JAM2: variants seen among roughly 807,000 people sequenced by gnomAD.
JAM2 encodes the protein junctional adhesion molecule B.
Under a neutral mutation model 42.0 loss-of-function variants are expected in JAM2, and 17 were observed. The observed-to-expected ratio is 0.40, with a 90% CI of 0.28 to 0.61. The LOEUF (loss-of-function observed/expected upper bound fraction) is 0.61, where lower values mean the gene tolerates loss of function less well. Ranked by LOEUF, JAM2 falls within the 20% of genes least tolerant of loss-of-function variation. The pLI, the probability that JAM2 is intolerant of heterozygous loss-of-function variation, is 0.37. For synonymous variants in JAM2, 118 were observed against 128.6 expected, an observed-to-expected ratio of 0.92 and a Z score of 0.56; for missense variants, 319 against 358.3, an observed-to-expected ratio of 0.89 and a Z score of 0.89.
At chr21:25,669,836 G>T (rs1195869341) in intron 1 of JAM2, among the ~76,000 whole-genome samples, 2 of 152,126 alleles carry the variant, frequency 1.3e-5, no homozygotes, top group African/African-American at 4.8e-5. Context: ...TTCTTACCTT[G>T]CTAGACTCTA....
chr21:25,681,487 G>C (rs1214807075), intron 1 of JAM2, among the ~76,000 whole-genome samples: 2 of 152,144 alleles, frequency 1.3e-5, no homozygotes, highest in Non-Finnish European at 2.9e-5. Flanking sequence ...CTCACTCACT[G>C]TCACGAGAAC....
At chr21:25,680,718 A>G (rs2033609200) in intron 1 of JAM2, among the ~76,000 whole-genome samples, 1 of 152,228 alleles carries the variant, frequency 6.6e-6, no homozygotes, top group Non-Finnish European at 1.5e-5. Flanking sequence ...GGTCAATGAG[A>G]GTACAAAATA....
chr21:25,674,004 C>T (rs8128123), intron 1 of JAM2, among the ~76,000 whole-genome samples: 53,584 of 152,062 alleles, frequency 0.35, 10,952 homozygotes, highest in African/African-American at 0.57. Flanking sequence ...TCTTGACTGC[C>T]GCCATGTAAG....
intron 1 of JAM2, among the ~76,000 whole-genome samples, chr21:25,654,862 A>G (rs910137557): frequency 3.9e-5 from 6 of 152,152 alleles, no homozygotes; most frequent in Admixed American, 3.9e-4. Flanking sequence ...ATAACTGACC[A>G]GGTTTCTGCA....
chr21:25,649,125 T>C (rs1429422087), intron 1 of JAM2, among the ~76,000 whole-genome samples: 1 of 152,194 alleles, frequency 6.6e-6, no homozygotes, highest in Admixed American at 6.5e-5. Context: ...TAAGTTCCTC[T>C]TGAATTAGTA....
At chr21:25,666,689 C>T (rs981261457) in intron 1 of JAM2, among the ~76,000 whole-genome samples, 1 of 151,968 alleles carries the variant, frequency 6.6e-6, no homozygotes, top group African/African-American at 2.4e-5. Context: ...GGAGCACATA[C>T]CATGCCCAGC....
At chr21:25,708,130 G>T (rs1380824418) in intron 7 of JAM2, among the ~76,000 whole-genome samples, 5 of 152,064 alleles carry the variant, frequency 3.3e-5, no homozygotes, top group African/African-American at 4.8e-5. Context: ...TTACAGGTGT[G>T]AGCCACCACT....
At chr21:25,655,961 T>C (rs1056094124) in intron 1 of JAM2, among the ~76,000 whole-genome samples, 5 of 151,910 alleles carry the variant, frequency 3.3e-5, no homozygotes, top group Non-Finnish European at 7.4e-5. Context: ...GAAAACCAAT[T>C]CAACCCTGTC....
chr21:25,665,341 A>G (rs1447192742), intron 1 of JAM2, among the ~76,000 whole-genome samples: 1 of 152,176 alleles, frequency 6.6e-6, no homozygotes, highest in Non-Finnish European at 1.5e-5. Flanking sequence ...ACTATGGAAC[A>G]CTTTTTAAAA....
At chr21:25,690,221 A>G (rs1321056048) in intron 3 of JAM2, among the ~76,000 whole-genome samples, 13 of 152,158 alleles carry the variant, frequency 8.5e-5, no homozygotes. Flanking sequence ...GCAAAATGCA[A>G]TTGCTCTTAT....
intron 9 of JAM2, 64 bp downstream of exon 9, chr21:25,712,446 G>GT: frequency 8.8e-7 from 1 of 1,133,588 alleles, no homozygotes; most frequent in East Asian, 2.4e-5. Context: ...GGGAAATGAA[G>GT]TAATTATATG....
chr21:25,717,220 A>G lies in JAM2; in HGVS notation c.*2548A>G. 1 of 155,410 alleles carries G rather than the reference A, an allele frequency of 6.4e-6. No individual in the cohort carries two copies. The highest frequency in any genetic ancestry group is 1.4e-5 in the Non-Finnish European group (1 of 70,260). The allele number at this position is 155,410 out of a possible 1,614,324, so 9.6% of individuals were successfully genotyped here. On this transcript the variant is annotated 3_prime_UTR_variant, in exon 10 of 10. Coordinates refer to ENST00000480456, the MANE Select transcript of JAM2 (RefSeq NM_021219.4). Reference sequence around the variant, plus strand: ...CTAATTTCCTATTAAAAGTATATATATGTATCTGTGGGTCACTGGTGTCCA... The same window carrying G: ...CTAATTTCCTATTAAAAGTATATATGTGTATCTGTGGGTCACTGGTGTCCA...
At chr21:25,694,959 C>T (rs1486731755) in intron 4 of JAM2, among the ~76,000 whole-genome samples, 1 of 150,586 alleles carries the variant, frequency 6.6e-6, no homozygotes, top group Admixed American at 6.6e-5. Context: ...ACTAAAACAG[C>T]TCCCCTTCCT....
chr21:25,685,728 T>TATG (rs2033738036), intron 2 of JAM2, among the ~76,000 whole-genome samples: 2 of 152,192 alleles, frequency 1.3e-5, no homozygotes, highest in Admixed American at 6.5e-5. Flanking sequence ...AATTTGGGAC[T>TATG]ATGGAGCACC....
chr21:25,667,518 C>A (rs1432678456), intron 1 of JAM2, among the ~76,000 whole-genome samples: 1 of 152,130 alleles, frequency 6.6e-6, no homozygotes, highest in Admixed American at 6.5e-5. Flanking sequence ...TTCTATTATT[C>A]TTGTTATTAA....
intron 9 of JAM2, among the ~76,000 whole-genome samples, chr21:25,713,915 C>T (rs1294421046): frequency 2.6e-5 from 4 of 152,214 alleles, no homozygotes; most frequent in African/African-American, 9.7e-5. Context: ...TTGCCCTTAT[C>T]AACTAACAGC....
At chr21:25,647,705 G>C (rs2032652943) in intron 1 of JAM2, among the ~76,000 whole-genome samples, 1 of 152,172 alleles carries the variant, frequency 6.6e-6, no homozygotes, top group Non-Finnish European at 1.5e-5. Context: ...TTCCAAGCAA[G>C]ATCCAGTTAA....
intron 1 of JAM2, among the ~76,000 whole-genome samples, chr21:25,663,055 T>C (rs1210572196): frequency 6.6e-6 from 1 of 152,214 alleles, no homozygotes; most frequent in East Asian, 1.9e-4. Context: ...TTAAGTCAGG[T>C]GTTAAATAAC....
intron 1 of JAM2, among the ~76,000 whole-genome samples, chr21:25,652,063 C>A (rs910175442): frequency 1.3e-5 from 2 of 152,060 alleles, no homozygotes; most frequent in Non-Finnish European, 2.9e-5. Flanking sequence ...AAATAGCCTT[C>A]CCTAAAAATG....
Sources: gnomAD v4.1 joint callset for allele counts (sites outside exome capture counted in the v4.1 genomes callset) on GRCh38, gnomAD v4.1.1 for gene constraint, MANE v1.5 for transcripts, NCBI Gene and HGNC (gene_info 2026-07-23, HGNC 2026-07-21) for gene names.